CSMD2: variants seen among roughly 807,000 people sequenced by gnomAD.
CSMD2 encodes the protein CUB and sushi domain-containing protein 2.
CSMD2 carries 130 observed loss-of-function variants against 398.5 expected under a neutral mutation model. The ratio of observed to expected loss-of-function variants is 0.33; its 90% CI spans 0.28 to 0.38. The LOEUF (loss-of-function observed/expected upper bound fraction) is 0.38. CSMD2 is among the 10% of genes least tolerant of loss of function. The probability of loss-of-function intolerance (pLI) is 1.00; values close to 1 mark genes in which losing one functional copy is unlikely to be tolerated. For missense variants in CSMD2, 3,829 were observed against 4,764.9 expected (o/e 0.80, Z 5.78); for synonymous variants, 1,828 against 1,908.5 (o/e 0.96, Z 1.10).
intron 15 of CSMD2, among the ~76,000 whole-genome samples, chr1:33,728,648 C>T (rs78833690): frequency 0.037 from 5,685 of 152,214 alleles, 152 homozygotes; most frequent in East Asian, 0.12. Flanking sequence ...GTCTCTAAAT[C>T]CCCCGTGACA....
At chr1:33,801,394 A>G (rs1046013775) in intron 10 of CSMD2, among the ~76,000 whole-genome samples, 14 of 152,122 alleles carry the variant, frequency 9.2e-5, no homozygotes, top group Non-Finnish European at 1.8e-4. Context: ...TCCTGTCTAC[A>G]TCTTTGTTTT....
chr1:33,537,422 A>G lies in CSMD2; in HGVS notation c.9805+14T>C, dbSNP rs1459830657. 6.2e-7 allele frequency: 1 copy of G among 1,600,606 alleles called. No individual in the cohort carries two copies. Among genetic ancestry groups the G allele is most frequent in the Admixed American group, 1.7e-5 (1 of 58,346 alleles). On this transcript the variant is annotated intron_variant, in intron 61 of 70. Coordinates refer to ENST00000373381, the MANE Select transcript of CSMD2 (RefSeq NM_001281956.2). The surrounding 1 kb of genome is among the most constrained non-coding windows in gnomAD (Gnocchi z 4.6). ...CCCCAGCCAAGACGCTCCCTGCTCC[A>G]GATGACCTCTCACCTATGCAGCTGG...
chr1:33,645,728 T>C (rs138378870), intron 29 of CSMD2, among the ~76,000 whole-genome samples: 8 of 152,350 alleles, frequency 5.3e-5, no homozygotes, highest in Admixed American at 1.3e-4. Flanking sequence ...GATCTTTACA[T>C]TTCTATGAAG....
intron 5 of CSMD2, among the ~76,000 whole-genome samples, chr1:33,879,049 A>G (rs941058294): frequency 3.3e-5 from 5 of 152,208 alleles, no homozygotes; most frequent in South Asian, 2.1e-4. Context: ...CAACACAATC[A>G]AAGAGTTCTC....
At chr1:33,619,277 C>T (rs987145483) in intron 37 of CSMD2, among the ~76,000 whole-genome samples, 12 of 152,202 alleles carry the variant, frequency 7.9e-5, no homozygotes, top group Admixed American at 3.3e-4. Flanking sequence ...GAGATGGCAG[C>T]CTTGGCCCTT....
At chr1:33,743,679 G>A (rs892055935) in intron 13 of CSMD2, 73 bp from the exon 14 acceptor site, 2 of 1,087,680 alleles carry the variant, frequency 1.8e-6, no homozygotes, top group Non-Finnish European at 2.6e-6. Context: ...GCTGGCAGGG[G>A]GAACATCTTC....
intron 3 of CSMD2, among the ~76,000 whole-genome samples, chr1:34,028,899 C>T (rs1159169874): frequency 3.9e-5 from 6 of 152,142 alleles, no homozygotes; most frequent in Admixed American, 2.0e-4. Context: ...CTTTTCCTTG[C>T]GGCGGCAGCA....
intron 12 of CSMD2, among the ~76,000 whole-genome samples, chr1:33,779,539 A>G (rs1276127101): frequency 2.0e-5 from 3 of 152,216 alleles, no homozygotes; most frequent in African/African-American, 7.2e-5. Flanking sequence ...TGCTGTTTGC[A>G]GAGCCCAGCC....
chr1:34,014,522 G>A (rs1647810270), intron 3 of CSMD2, among the ~76,000 whole-genome samples: 1 of 152,204 alleles, frequency 6.6e-6, no homozygotes, highest in Admixed American at 6.5e-5. Flanking sequence ...CTCAGAGCCT[G>A]GGAATTCCCC....
rs753962666 is a variant in CSMD2 at position 33,820,565 on chromosome 1, CAAA to C, written c.1112-12_1112-10del. 0.058 allele frequency: 24,699 copies of C among 427,408 alleles called. 53 individuals carry two copies. The highest frequency in any genetic ancestry group is 0.066 in the East Asian group (1,704 of 25,960). The allele number at this position is 427,408 out of a possible 1,614,324, so 26.5% of individuals were successfully genotyped here. ...CACACCAACCTGAGTTACTACAAGG[CAAA>C]AAAAAAAAAAAAAAAAAAAACAGCA... On this transcript the variant is annotated splice_polypyrimidine_tract_variant and intron_variant, in intron 7 of 70. Transcript: ENST00000373381.
At chr1:33,719,549 T>G (rs1646286006) in intron 19 of CSMD2, among the ~76,000 whole-genome samples, 1 of 152,190 alleles carries the variant, frequency 6.6e-6, no homozygotes, top group African/African-American at 2.4e-5. Context: ...AGATTTGATG[T>G]GACAGATGCA....
chr1:33,667,384 C>G (rs1331320477), intron 25 of CSMD2, among the ~76,000 whole-genome samples: 1 of 152,202 alleles, frequency 6.6e-6, no homozygotes. Flanking sequence ...TATTTTGTAG[C>G]TAGGACTAGT....
chr1:33,967,267 T>A (rs79424705), intron 3 of CSMD2, among the ~76,000 whole-genome samples: 128 of 143,512 alleles, frequency 8.9e-4, no homozygotes, highest in African/African-American at 2.9e-3. Context: ...CTTTTTTTTT[T>A]AAAGCGGGGG....
chr1:34,146,949 C>T (rs1467209834), intron 1 of CSMD2, among the ~76,000 whole-genome samples: 1 of 152,148 alleles, frequency 6.6e-6, no homozygotes, highest in Non-Finnish European at 1.5e-5. Context: ...GCATGAAAGC[C>T]ATAGGAGCGA....
intron 3 of CSMD2, among the ~76,000 whole-genome samples, chr1:34,022,450 T>C (rs1649031355): frequency 1.3e-5 from 2 of 152,234 alleles, no homozygotes; most frequent in East Asian, 1.9e-4. Context: ...AGTGCTCTAT[T>C]GAGCGTTCTT....
At chr1:33,752,165 A>G (rs1648338733) in intron 13 of CSMD2, among the ~76,000 whole-genome samples, 1 of 127,440 alleles carries the variant, frequency 7.8e-6, no homozygotes, top group South Asian at 2.3e-4. Flanking sequence ...AAGAAACAAA[A>G]CAAACAACAA....
intron 25 of CSMD2, among the ~76,000 whole-genome samples, chr1:33,677,808 G>T (rs1644768234): frequency 6.6e-6 from 1 of 151,854 alleles, no homozygotes; most frequent in South Asian, 2.1e-4. Context: ...GTCCTTTGTA[G>T]GGACATGGAT....
At chr1:33,808,245 A>G (rs1656450786) in intron 10 of CSMD2, among the ~76,000 whole-genome samples, 2 of 152,116 alleles carry the variant, frequency 1.3e-5, no homozygotes, top group African/African-American at 4.8e-5. Flanking sequence ...CAATGAAGAT[A>G]TAAAAGAGAC....
At chr1:33,656,250 A>G (rs1377316359) in intron 27 of CSMD2, among the ~76,000 whole-genome samples, 2 of 152,168 alleles carry the variant, frequency 1.3e-5, no homozygotes, top group Non-Finnish European at 2.9e-5. Flanking sequence ...AAGTGTATTT[A>G]CCCTCAGAGA....
Sources: gnomAD v4.1 joint callset for allele counts (sites outside exome capture counted in the v4.1 genomes callset) on GRCh38, gnomAD v4.1.1 for gene constraint, Gnocchi (gnomAD v3.1) non-coding constraint, MANE v1.5 for transcripts, NCBI Gene and HGNC (gene_info 2026-07-23, HGNC 2026-07-21) for gene names.